MCF2L: variants seen among roughly 807,000 people sequenced by gnomAD.
MCF2L encodes MCF.2 cell line derived transforming sequence like.
MCF2L carries 97 observed loss-of-function variants against 153.4 expected under a neutral mutation model. The ratio of observed to expected loss-of-function variants is 0.63; its 90% CI spans 0.54 to 0.75. MCF2L has a LOEUF of 0.75. MCF2L is among the 30% of genes least tolerant of loss of function. The probability of loss-of-function intolerance (pLI) is 0.00; values close to 1 mark genes in which losing one functional copy is unlikely to be tolerated. For missense variants in MCF2L, 1,347 were observed against 1,495.2 expected (o/e 0.90, Z 1.64); for synonymous variants, 659 against 632.2 (o/e 1.04, Z -0.64).
rs539046345 is a variant in MCF2L at position 112,963,114 on chromosome 13, G to A, written c.170-51649G>A. On this transcript the variant is annotated intron_variant, in intron 2 of 29. Coordinates refer to the MCF2L transcript ENST00000375608. ...ATCTGTCATGGCAGCCTTCTCTCAT[G>A]CCTGGCTCGGCTCTGCCCTGGGCAC... is the stretch of plus-strand genomic sequence containing the variant. Among the ~76,000 whole-genome samples the A allele has an allele frequency of 1.5e-3, 229 of 152,270 alleles. 2 individuals carry two copies. The highest frequency in any genetic ancestry group is 2.4e-3 in the Non-Finnish European group (163 of 68,024).
At chr13:113,014,151 T>C (rs1022065125) in intron 1 of MCF2L, among the ~76,000 whole-genome samples, 20 of 152,236 alleles carry the variant, frequency 1.3e-4, no homozygotes, top group Non-Finnish European at 2.8e-4. Context: ...GGTGCTGCAG[T>C]GCGTCCAGAG....
chr13:112,940,885 T>C (rs1161700696), intron 2 of MCF2L, among the ~76,000 whole-genome samples: 1 of 152,144 alleles, frequency 6.6e-6, no homozygotes, highest in Non-Finnish European at 1.5e-5. Flanking sequence ...AGCATTTGGG[T>C]GGCATGTGAT....
chr13:112,980,749 A>G (rs1014868531), intron 1 of MCF2L, among the ~76,000 whole-genome samples: 1 of 136,478 alleles, frequency 7.3e-6, no homozygotes, highest in Non-Finnish European at 1.6e-5. Context: ...GTGTGGGTGC[A>G]AGTACCCCAG....
Position 113,081,952 on chromosome 13 carries a change from ACAGCGAG to A in MCF2L, c.1876-474_1876-468del, listed in dbSNP as rs1304329496. Among the ~76,000 whole-genome samples, 362 of 147,736 alleles carry A rather than the reference ACAGCGAG, an allele frequency of 2.5e-3. 3 individuals are homozygous for A. The highest frequency in any genetic ancestry group is 8.9e-3 in the African/African-American group (351 of 39,278). ...TGCACATGTGGTCACCTGAGTGTAGACAGCGAGTGTGCACATGTGATCACCTGAGTGT... is the reference window on the plus strand; with the variant it reads ...TGCACATGTGGTCACCTGAGTGTAGATGTGCACATGTGATCACCTGAGTGT... On this transcript the variant is annotated intron_variant, in intron 16 of 29. Coordinates refer to ENST00000535094, the MANE Select transcript of MCF2L (RefSeq NM_001112732.3).
At chr13:113,037,878 C>T (rs1403526476) in intron 3 of MCF2L, among the ~76,000 whole-genome samples, 1 of 152,178 alleles carries the variant, frequency 6.6e-6, no homozygotes, top group East Asian at 1.9e-4. Context: ...GTAAGAAACA[C>T]AGGTATCATT....
At chr13:113,084,475 A>G in intron 18 of MCF2L, 1 of 319,860 alleles carries the variant, frequency 3.1e-6, no homozygotes, top group Non-Finnish European at 5.8e-6. Flanking sequence ...ACCCAGGAGC[A>G]ATTGCACTTC....
chr13:112,915,180 TCG>T (rs1314895748), intron 2 of MCF2L, among the ~76,000 whole-genome samples: 2 of 151,484 alleles, frequency 1.3e-5, no homozygotes, highest in African/African-American at 4.9e-5. Flanking sequence ...GAGGCTGAGG[TCG>T]GTGGATCACA....
chr13:113,037,792 T>C (rs191134907), intron 3 of MCF2L, among the ~76,000 whole-genome samples: 1 of 152,318 alleles, frequency 6.6e-6, no homozygotes, highest in Admixed American at 6.5e-5. Flanking sequence ...ACTGTTCTCA[T>C]TTCTATTCAG....
intron 1 of MCF2L, among the ~76,000 whole-genome samples, chr13:112,894,652 AGGCGCCTGGGGG>A (rs1180936612): frequency 1.3e-5 from 2 of 151,926 alleles, no homozygotes; most frequent in Non-Finnish European, 2.9e-5. Context: ...GGGAACTTCG[AGGCGCCTGGGGG>A]GCTCGAAATG....
intron 4 of MCF2L, among the ~76,000 whole-genome samples, chr13:113,055,578 T>C (rs990712973): frequency 1.3e-5 from 2 of 152,138 alleles, no homozygotes; most frequent in Non-Finnish European, 2.9e-5. Context: ...AATAGTGGTG[T>C]CCAATTTCAC....
At chr13:112,894,736 C>G (rs1363652576) in intron 1 of MCF2L, among the ~76,000 whole-genome samples, 3 of 152,116 alleles carry the variant, frequency 2.0e-5, no homozygotes, top group Non-Finnish European at 4.4e-5. Context: ...GTCACGGGGG[C>G]CCTCACACCC....
chr13:113,014,998 C>T lies in MCF2L; in HGVS notation c.163+152C>T, dbSNP rs1038676005. On this transcript the variant is annotated intron_variant, in intron 2 of 29. Coordinates refer to ENST00000535094, the MANE Select transcript of MCF2L (RefSeq NM_001112732.3). ...GCCTTGGGTCTGACCTGTGACCTGG[C>T]TCTCCCCATCTCTGTGAAGTGGGCA... 4.6e-6 allele frequency: 3 copies of T among 649,628 alleles called. No individual in the cohort carries two copies. In the Admixed American group the frequency reaches 7.5e-5, roughly 16 times the overall value. The allele number at this position is 649,628 out of a possible 1,614,324, so 40.2% of individuals were successfully genotyped here. A position where few individuals can be genotyped will look rare whatever the true frequency, so the allele number is the denominator to read the frequency against.
Position 112,981,155 on chromosome 13 carries a change from A to T in MCF2L, c.79+11697A>T, listed in dbSNP as rs556753319. ...CTTCCTGTGCACTGGAGACCCTGAC[A>T]TGTCCCCTTCCTGCGCACTGGGGAC... is the stretch of plus-strand genomic sequence containing the variant. On this transcript the variant is annotated intron_variant, in intron 1 of 29. Coordinates refer to ENST00000535094, the MANE Select transcript of MCF2L (RefSeq NM_001112732.3). Among the ~76,000 whole-genome samples the T allele has an allele frequency of 5.3e-5, 8 of 151,920 alleles. No homozygotes were observed. In the East Asian group the frequency reaches 1.6e-3, roughly 29 times the overall value.
chr13:112,895,590 C>A (rs1339339311), intron 1 of MCF2L, among the ~76,000 whole-genome samples: 1 of 152,142 alleles, frequency 6.6e-6, no homozygotes, highest in Admixed American at 6.5e-5. Context: ...ACGGAGTGCA[C>A]ACCCAGGCAT....
chr13:113,079,947 C>G (rs72485695), intron 15 of MCF2L, among the ~76,000 whole-genome samples: 1,439 of 30,142 alleles, frequency 0.048, no homozygotes, highest in African/African-American at 0.074. Flanking sequence ...GTGTCCATAC[C>G]GAGGAGAGTC....
intron 2 of MCF2L, among the ~76,000 whole-genome samples, chr13:113,018,733 G>A (rs191260381): frequency 9.8e-5 from 15 of 152,320 alleles, no homozygotes; most frequent in African/African-American, 3.1e-4. Context: ...AGTGAAAAAC[G>A]CAGAGAACAG....
Position 112,969,252 on chromosome 13 carries a change from CT to C in MCF2L, c.-127del. 1 of 1,413,230 alleles carries C rather than the reference CT, an allele frequency of 7.1e-7. No individual in the cohort carries two copies. Among genetic ancestry groups the C allele is most frequent in the Non-Finnish European group, 9.3e-7 (1 of 1,074,372 alleles). The allele number at this position is 1,413,230 out of a possible 1,614,324, so 87.5% of individuals were successfully genotyped here. On this transcript the variant is annotated 5_prime_UTR_variant, in exon 1 of 30. Coordinates refer to ENST00000535094, the MANE Select transcript of MCF2L (RefSeq NM_001112732.3). This position sits in a 1 kb window ranked among gnomAD's most constrained non-coding sequence, Gnocchi z 4.8. ...TGGGCAGGGAGGCGGCGGCTGGAGG[CT>C]GAAAGCGCTGCCGTGGCCCCCTCCC...
At chr13:112,913,289 T>G (rs2081255408) in intron 2 of MCF2L, among the ~76,000 whole-genome samples, 1 of 152,036 alleles carries the variant, frequency 6.6e-6, no homozygotes, top group Non-Finnish European at 1.5e-5. Flanking sequence ...TGTGTCTGTG[T>G]GTGATTGTGT....
At chr13:113,044,107 T>C (rs576990440) in intron 3 of MCF2L, 73 of 162,384 alleles carry the variant, frequency 4.5e-4, no homozygotes, top group African/African-American at 1.6e-3. Context: ...TGACTCGCCA[T>C]GCTCGTGCAC....
Sources: gnomAD v4.1 joint callset for allele counts (sites outside exome capture counted in the v4.1 genomes callset) on GRCh38, gnomAD v4.1.1 for gene constraint, Gnocchi (gnomAD v3.1) non-coding constraint, MANE v1.5 for transcripts, NCBI Gene and HGNC (gene_info 2026-07-23, HGNC 2026-07-21) for gene names.